RNF8: variants seen among roughly 807,000 people sequenced by gnomAD.
The protein encoded by RNF8 is E3 ubiquitin-protein ligase RNF8.
A neutral mutation model predicts 59.3 loss-of-function variants in RNF8; 8 were observed. The ratio of observed to expected loss-of-function variants is 0.13; its 90% CI spans 0.08 to 0.24. RNF8 has a LOEUF of 0.24. Ranked by LOEUF, RNF8 falls within the 10% of genes least tolerant of loss-of-function variation. The pLI is 1.00. For synonymous variants in RNF8, 162 were observed against 200.0 expected (o/e 0.81, Z 1.60); for missense variants, 406 against 572.6 (o/e 0.71, Z 2.97).
chr6:37,381,204 A>G lies in RNF8; in HGVS notation c.1291A>G (p.Met431Val). ...CTGCTCCTACTGTATCAATGAATGG[A>G]TGAAGCGGAAGATAGAATGCCCCAT... ...SFCSYCINEW[M>V]KRKIECPICR... The change falls in exon 7 of 8, where the codon ATG (methionine) becomes GTG (valine). Residue 431 changes from methionine to valine, a missense_variant. By Grantham distance (21) the Met-to-Val change is conservative (BLOSUM62 1). Transcript: ENST00000373479. 1 of 1,614,226 alleles carries G rather than the reference A, an allele frequency of 6.2e-7. No homozygotes were observed. Among genetic ancestry groups the G allele is most frequent in the Non-Finnish European group, 8.5e-7 (1 of 1,180,036 alleles).
At chr6:37,355,173 G>C (rs377733143) in intron 1 of RNF8, among the ~76,000 whole-genome samples, 63 of 152,332 alleles carry the variant, frequency 4.1e-4, no homozygotes, top group African/African-American at 1.3e-3. Context: ...ACGAGGGAAG[G>C]GAGGAGGGAG....
At chr6:37,361,618 C>T in intron 2 of RNF8, 1 of 298,986 alleles carries the variant, frequency 3.3e-6, no homozygotes, top group South Asian at 2.7e-5. Flanking sequence ...TCTTTAAGTG[C>T]CATTTCATAT....
In RNF8 at chr6:37,360,595, C is replaced by G. The variant is rs570178172; in HGVS notation, c.240+21C>G. 1.9e-6 allele frequency: 3 copies of G among 1,589,488 alleles called. No individual in the cohort carries two copies. Among genetic ancestry groups the G allele is most frequent in the Non-Finnish European group, 2.6e-6 (3 of 1,167,740 alleles). On this transcript the variant is annotated intron_variant, in intron 2 of 7. Coordinates refer to ENST00000373479, the MANE Select transcript of RNF8 (RefSeq NM_003958.4). The surrounding 1 kb of genome is among the most constrained non-coding windows in gnomAD (Gnocchi z 4.2). ...ACAAGGTACAGGAATTCACAGAAGC[C>G]TAATGACTTTTATTTGTTTTTAAAT...
rs371180390 is a variant in RNF8, at chr6:37,381,251, C to T, written c.1338C>T (p.Ser446=). ...CCATTTGTCGGAAGGACATTAAGTC[C>T]AAAACGTACTCTTTGGTTCTGGACA... ...ECPICRKDIK[S]KTYSLVLDNC... The change falls in exon 7 of 8, where the codon TCC becomes TCT. Residue 446 remains serine, a synonymous_variant. Transcript: ENST00000373479. 345 of 1,614,044 alleles carry T rather than the reference C, an allele frequency of 2.1e-4. No homozygotes were observed. The highest frequency in any genetic ancestry group is 2.8e-4 in the Non-Finnish European group (334 of 1,179,978).
rs1031533401 is a variant in RNF8 at position 37,354,039 on chromosome 6, T to C, written c.-126T>C. On this transcript the variant is annotated 5_prime_UTR_variant, in exon 1 of 8. Coordinates refer to ENST00000373479, the MANE Select transcript of RNF8 (RefSeq NM_003958.4). ...CGAGCGGAGCCTGCTTTCGCAGCGA[T>C]CGCGAGCGTGTGGCGATTGCTTCTG... 3.6e-6 allele frequency: 3 copies of C among 822,308 alleles called. No individual in the cohort carries two copies. In the African/African-American group the frequency reaches 5.2e-5, roughly 14 times the overall value. 50.9% of individuals were successfully genotyped at this position (822,308 alleles called of 1,614,324 possible).
chr6:37,386,423 G>A (rs555144242), intron 7 of RNF8, among the ~76,000 whole-genome samples: 9 of 152,190 alleles, frequency 5.9e-5, no homozygotes, highest in African/African-American at 2.2e-4. Flanking sequence ...AGCTACTACC[G>A]CCCTGCAGGC....
chr6:37,386,991 A>G (rs904616845), intron 7 of RNF8, among the ~76,000 whole-genome samples: 3 of 152,182 alleles, frequency 2.0e-5, no homozygotes, highest in Non-Finnish European at 2.9e-5. Flanking sequence ...TGTCTATTGT[A>G]GGAGACTACC....
rs1769276202 is a variant in RNF8, at chr6:37,360,559, A to G, written c.225A>G (p.Thr75=). The change falls in exon 2 of 8, where the codon ACA becomes ACG. Residue 75 remains threonine, a synonymous_variant. Coordinates refer to ENST00000373479, the MANE Select transcript of RNF8 (RefSeq NM_003958.4). The surrounding 1 kb of genome is among the most constrained non-coding windows in gnomAD (Gnocchi z 4.2). ...AGCAGAATCCTGAGGGCCAATGGACAATTATGGACAACAAGGTACAGGAAT... is the reference window on the plus strand; with the variant it reads ...AGCAGAATCCTGAGGGCCAATGGACGATTATGGACAACAAGGTACAGGAAT... ...VLKQNPEGQW[T]IMDNKSLNGV... 6.2e-7 allele frequency: 1 copy of G among 1,613,940 alleles called. No homozygotes were observed. Among genetic ancestry groups the G allele is most frequent in the Non-Finnish European group, 8.5e-7 (1 of 1,179,912 alleles).
At chr6:37,359,486 C>G in intron 1 of RNF8, 1 of 191,098 alleles carries the variant, frequency 5.2e-6, no homozygotes, top group South Asian at 9.9e-5. Flanking sequence ...TATGTCTGAT[C>G]TGATGGCAGA....
intron 6 of RNF8, 122 bp downstream of exon 6, chr6:37,377,155 C>G (rs1008618313): frequency 5.1e-6 from 3 of 584,412 alleles, no homozygotes; most frequent in Admixed American, 6.0e-5. Flanking sequence ...TCACTGCAAC[C>G]TCCACTTCCT....
chr6:37,374,538 G>A, intron 4 of RNF8, 82 bp from the exon 5 acceptor site: 1 of 982,496 alleles, frequency 1.0e-6, no homozygotes, highest in Non-Finnish European at 1.6e-6. Context: ...ACTAACTAGA[G>A]GGAGAGAACA....
At chr6:37,384,718 G>A (rs754384187) in intron 7 of RNF8, among the ~76,000 whole-genome samples, 1 of 152,240 alleles carries the variant, frequency 6.6e-6, no homozygotes, top group Non-Finnish European at 1.5e-5. Flanking sequence ...CAGCCCACCT[G>A]TAAGGCTTTC....
At chr6:37,384,714 A>T (rs1485789527) in intron 7 of RNF8, among the ~76,000 whole-genome samples, 3 of 152,176 alleles carry the variant, frequency 2.0e-5, no homozygotes, top group African/African-American at 7.2e-5. Context: ...CCATCAGCCC[A>T]CCTGTAAGGC....
At chr6:37,388,974 T>C (rs371332602) in intron 7 of RNF8, among the ~76,000 whole-genome samples, 1 of 151,620 alleles carries the variant, frequency 6.6e-6, no homozygotes, top group African/African-American at 2.4e-5. Context: ...CCTTTGAGCC[T>C]TCCTGGCCAC....
chr6:37,371,708 G>T, intron 4 of RNF8, 134 bp downstream of exon 4: 1 of 625,524 alleles, frequency 1.6e-6, no homozygotes, highest in Non-Finnish European at 2.8e-6. Flanking sequence ...AGAGCAGGTG[G>T]CAGCTGCTCA....
At chr6:37,359,797 T>G (rs1449857041) in intron 1 of RNF8, among the ~76,000 whole-genome samples, 2 of 152,250 alleles carry the variant, frequency 1.3e-5, no homozygotes, top group Non-Finnish European at 2.9e-5. Context: ...TGCGTTTGAC[T>G]GTGTAATAGA....
Position 37,360,668 on chromosome 6 carries a change from A to C in RNF8, c.240+94A>C. The C allele has an allele frequency of 2.3e-6, 3 of 1,288,694 alleles. No individual in the cohort carries two copies. Among genetic ancestry groups the C allele is most frequent in the Non-Finnish European group, 3.2e-6 (3 of 950,038 alleles). 79.8% of individuals were successfully genotyped at this position (1,288,694 alleles called of 1,614,324 possible). On this transcript the variant is annotated intron_variant, in intron 2 of 7. Coordinates refer to ENST00000373479, the MANE Select transcript of RNF8 (RefSeq NM_003958.4). This position sits in a 1 kb window ranked among gnomAD's most constrained non-coding sequence, Gnocchi z 4.2. ...GGTAATTCATGGTATAAAATTCAAA[A>C]GTATAACTTCTTCTTTCCTAGCCAT...
intron 7 of RNF8, among the ~76,000 whole-genome samples, chr6:37,382,861 G>A (rs201003325): frequency 2.0e-5 from 3 of 151,980 alleles, no homozygotes; most frequent in East Asian, 1.9e-4. Flanking sequence ...ACCAGTAGTC[G>A]CAGCTACTCA....
intron 3 of RNF8, among the ~76,000 whole-genome samples, 179 bp from the exon 4 acceptor site, chr6:37,371,333 A>C (rs1171983175): frequency 6.6e-6 from 1 of 152,114 alleles, no homozygotes; most frequent in Non-Finnish European, 1.5e-5. Context: ...TGAGCAGATA[A>C]CTGCTCAAAT....
Sources: allele counts gnomAD v4.1 joint callset (sites outside exome capture counted in the v4.1 genomes callset), GRCh38; gene constraint gnomAD v4.1.1; non-coding constraint Gnocchi (gnomAD v3.1); transcripts MANE v1.5; gene names NCBI Gene and HGNC (gene_info 2026-07-23, HGNC 2026-07-21).